LRBA: variants seen among roughly 807,000 people sequenced by gnomAD.
The protein encoded by LRBA is LPS responsive beige-like anchor protein.
In LRBA, 176 loss-of-function variants were observed where a neutral mutation model predicts 330.0. The ratio of observed to expected loss-of-function variants is 0.53; its 90% CI spans 0.47 to 0.60. LRBA has a LOEUF of 0.60. Among genes scored for constraint, LRBA ranks in the 20% least tolerant of loss-of-function variants. The pLI, the probability that LRBA is intolerant of heterozygous loss-of-function variation, is 0.00. For missense variants in LRBA, 3,259 were observed against 3,444.8 expected (o/e 0.95, Z 1.35); for synonymous variants, 1,230 against 1,193.0 (o/e 1.03, Z -0.64).
rs554156779 is a variant in LRBA at position 151,011,036 on chromosome 4, A to G, written c.216+3391T>C. On this transcript the variant is annotated intron_variant, in intron 2 of 56. Transcript: ENST00000651943. The stretch of plus-strand genomic sequence containing the variant: ...CCCCGTCTCTACTAAAAATACAAAA[A>G]ATTAGCTGGGCGTGGTGGCGGGCAC... Among the ~76,000 whole-genome samples the G allele has an allele frequency of 1.9e-3, 290 of 151,982 alleles. 1 individual carries two copies. The highest frequency in any genetic ancestry group is 6.8e-3 in the African/African-American group (282 of 41,416).
At chr4:150,846,504 T>C (rs1346616996) in intron 26 of LRBA, among the ~76,000 whole-genome samples, 1 of 145,504 alleles carries the variant, frequency 6.9e-6, no homozygotes, top group East Asian at 2.0e-4. Context: ...CACTCCAGCC[T>C]GGCGACAGAG....
intron 47 of LRBA, among the ~76,000 whole-genome samples, chr4:150,381,200 T>G (rs1006042338): frequency 3.3e-5 from 5 of 152,222 alleles, no homozygotes; most frequent in Admixed American, 6.5e-5. Flanking sequence ...TTTTTCAACA[T>G]TTAAATATAA....
At chr4:150,656,353 C>T (rs1454431596) in intron 37 of LRBA, among the ~76,000 whole-genome samples, 1 of 152,172 alleles carries the variant, frequency 6.6e-6, no homozygotes, top group Non-Finnish European at 1.5e-5. Flanking sequence ...TGGCTGGGTA[C>T]TCAGGAGTTG....
At chr4:150,669,226 G>C (rs1274515869) in intron 37 of LRBA, among the ~76,000 whole-genome samples, 5 of 152,110 alleles carry the variant, frequency 3.3e-5, no homozygotes, top group Non-Finnish European at 7.4e-5. Flanking sequence ...AATTTTATAA[G>C]TTACAAATAT....
chr4:150,433,703 C>T (rs1301445271), intron 46 of LRBA, among the ~76,000 whole-genome samples: 1 of 152,058 alleles, frequency 6.6e-6, no homozygotes, highest in Non-Finnish European at 1.5e-5. Context: ...AAAAGAGTTA[C>T]ATAAGTAATT....
rs138192711 is a variant in LRBA, at chr4:150,746,548, T to A, written c.5646-11182A>T. The stretch of plus-strand genomic sequence containing the variant: ...TTTTGTGAGACAGAGTCTCGCTCCA[T>A]CGCCCAGGCTGGAGTACAGTGGCAT... On this transcript the variant is annotated intron_variant, in intron 35 of 56. Transcript: ENST00000651943. Among the ~76,000 whole-genome samples the A allele has an allele frequency of 5.7e-3, 833 of 146,060 alleles. 6 individuals are homozygous for A. The highest frequency in any genetic ancestry group is 0.02 in the African/African-American group (811 of 39,788).
Position 150,850,839 on chromosome 4 carries a change from T to A in LRBA, c.3889A>T (p.Arg1297Trp). Residue 1297 changes from arginine to tryptophan, a missense_variant, in exon 24 of 57, where the codon AGG becomes TGG. By Grantham distance (101) the Arg-to-Trp change is moderately radical. Transcript: ENST00000651943. ...CGAAACACAGTAGATCTGGAATCCC[T>A]CCTTTGTCCATTAACTGCATCTGGT... is the stretch of plus-strand genomic sequence containing the variant. The part of the protein sequence containing the change: ...IAPDAVNGQR[R>W]DSRSTVFRIP... 1 of 1,613,950 alleles carries A rather than the reference T, an allele frequency of 6.2e-7. No individual in the cohort carries two copies. The highest frequency in any genetic ancestry group is 8.5e-7 in the Non-Finnish European group (1 of 1,179,894).
intron 2 of LRBA, among the ~76,000 whole-genome samples, chr4:150,929,584 C>A (rs1041490948): frequency 1.3e-5 from 2 of 152,178 alleles, no homozygotes; most frequent in Non-Finnish European, 2.9e-5. Flanking sequence ...GTATAACTTA[C>A]ATATAATTAG....
At chr4:150,924,367 G>A (rs1034980246) in intron 4 of LRBA, among the ~76,000 whole-genome samples, 1 of 152,020 alleles carries the variant, frequency 6.6e-6, no homozygotes, top group African/African-American at 2.4e-5. Context: ...ACAAAAATTA[G>A]CCAAGAATGG....
chr4:150,538,945 G>A lies in LRBA; in HGVS notation c.6331-47910C>T, dbSNP rs141005761. Among the ~76,000 whole-genome samples the A allele has an allele frequency of 7.2e-5, 11 of 151,862 alleles. No individual in the cohort carries two copies. In the East Asian group the frequency reaches 2.1e-3, roughly 29 times the overall value. On this transcript the variant is annotated intron_variant, in intron 40 of 56. Transcript: ENST00000651943. ...TAACAAACCTGCACATGTAGCCTCT[G>A]AATCTAAAAGTTAAGGGTTTTAAAA...
At chr4:150,905,385 G>A (rs1185395145) in intron 13 of LRBA, among the ~76,000 whole-genome samples, 3 of 151,746 alleles carry the variant, frequency 2.0e-5, no homozygotes, top group Non-Finnish European at 4.4e-5. Context: ...CAGGAGCAGG[G>A]TGAGTTCTTA....
At chr4:150,676,022 C>T (rs1000882111) in intron 37 of LRBA, among the ~76,000 whole-genome samples, 2 of 152,120 alleles carry the variant, frequency 1.3e-5, no homozygotes, top group African/African-American at 4.8e-5. Flanking sequence ...GTTAACATCT[C>T]CCCTCTTTAA....
At chr4:150,439,747 T>G (rs1751578013) in intron 44 of LRBA, among the ~76,000 whole-genome samples, 1 of 152,190 alleles carries the variant, frequency 6.6e-6, no homozygotes, top group South Asian at 2.1e-4. Flanking sequence ...ACAATAGATC[T>G]GTAATGACAG....
At chr4:150,749,809 C>T (rs1163658022) in intron 35 of LRBA, among the ~76,000 whole-genome samples, 4 of 152,020 alleles carry the variant, frequency 2.6e-5, no homozygotes, top group Non-Finnish European at 5.9e-5. Flanking sequence ...TATCATGCCA[C>T]TCGTCTATTA....
At chr4:151,009,711 T>TG (rs1744579549) in intron 2 of LRBA, among the ~76,000 whole-genome samples, 1 of 152,182 alleles carries the variant, frequency 6.6e-6, no homozygotes, top group Non-Finnish European at 1.5e-5. Flanking sequence ...CAAGGCGCGG[T>TG]GGCTCACGCC....
At chr4:150,676,016 A>G (rs1412315350) in intron 37 of LRBA, among the ~76,000 whole-genome samples, 2 of 152,200 alleles carry the variant, frequency 1.3e-5, no homozygotes, top group African/African-American at 4.8e-5. Context: ...ATTTGTGTTA[A>G]CATCTCCCCT....
rs191151518 is a variant in LRBA, at chr4:150,302,290, T to C, written c.8017+335A>G. Among the ~76,000 whole-genome samples the C allele has an allele frequency of 5.5e-4, 84 of 152,300 alleles. 1 individual carries two copies. In the East Asian group the frequency reaches 0.014, roughly 26 times the overall value. Reference sequence around the variant, plus strand: ...TATTTTGTTCTTTTAAAATATGAATTCAATAAACAAGGTAATATGTGATTG... The same window carrying C: ...TATTTTGTTCTTTTAAAATATGAATCCAATAAACAAGGTAATATGTGATTG... On this transcript the variant is annotated intron_variant, in intron 53 of 56. Coordinates refer to ENST00000651943, the MANE Select transcript of LRBA (RefSeq NM_001364905.1).
At chr4:150,434,709 A>T (rs1750874660) in intron 46 of LRBA, among the ~76,000 whole-genome samples, 1 of 151,964 alleles carries the variant, frequency 6.6e-6, no homozygotes, top group Non-Finnish European at 1.5e-5. Flanking sequence ...AAATTAGCCT[A>T]GCGTGGTGGT....
chr4:150,631,174 C>T (rs1777339171), intron 37 of LRBA, among the ~76,000 whole-genome samples: 4 of 150,862 alleles, frequency 2.7e-5, no homozygotes, highest in Admixed American at 2.6e-4. Flanking sequence ...TTAGACTATT[C>T]TTGATCTTTA....
Sources: allele counts gnomAD v4.1 joint callset (sites outside exome capture counted in the v4.1 genomes callset), GRCh38; gene constraint gnomAD v4.1.1; transcripts MANE v1.5; gene names NCBI Gene and HGNC (gene_info 2026-07-23, HGNC 2026-07-21).